The following CYP7B1 variants were observed in gnomAD, a reference collection of about 807,000 sequenced individuals.
The protein encoded by CYP7B1 is cytochrome P450 family 7 subfamily B member 1.
CYP7B1 carries 29 observed loss-of-function variants against 42.7 expected under a neutral mutation model. That is an observed-to-expected ratio of 0.68 (90% confidence interval 0.51 to 0.93). The LOEUF (loss-of-function observed/expected upper bound fraction) is 0.93. Among genes scored for constraint, CYP7B1 ranks in the 40% least tolerant of loss-of-function variants. CYP7B1 has a pLI of 0.00. For synonymous variants in CYP7B1, 235 were observed against 218.2 expected, an observed-to-expected ratio of 1.08 and a Z score of -0.68; for missense variants, 655 against 600.5, an observed-to-expected ratio of 1.09 and a Z score of -0.95.
At chr8:64,673,247 T>C (rs925384423) in intron 1 of CYP7B1, among the ~76,000 whole-genome samples, 26 of 152,154 alleles carry the variant, frequency 1.7e-4, no homozygotes, top group African/African-American at 6.0e-4. Context: ...TATACTCCGT[T>C]TTTTTCTAAT....
intron 1 of CYP7B1, among the ~76,000 whole-genome samples, chr8:64,780,912 G>GA (rs1360829692): frequency 2.0e-5 from 3 of 152,032 alleles, no homozygotes; most frequent in Admixed American, 6.6e-5. Context: ...GTTTGGGCAA[G>GA]AAAAAATCTC....
chr8:64,735,527 C>T (rs1807474347), intron 1 of CYP7B1, among the ~76,000 whole-genome samples: 2 of 152,128 alleles, frequency 1.3e-5, no homozygotes, highest in African/African-American at 4.8e-5. Flanking sequence ...CAAAATGTTT[C>T]TTTGTTTCAG....
intron 1 of CYP7B1, among the ~76,000 whole-genome samples, chr8:64,717,162 A>G (rs978738484): frequency 7.0e-6 from 1 of 142,362 alleles, no homozygotes; most frequent in Non-Finnish European, 1.5e-5. Flanking sequence ...TAATGTTTAC[A>G]TGGTACATCT....
rs1405533959 is a variant in CYP7B1 at position 64,592,632 on chromosome 8, C to T, written c.*4010G>A. Among the ~76,000 whole-genome samples the T allele has an allele frequency of 6.6e-6, 1 of 152,134 alleles. No individual in the cohort carries two copies. Among genetic ancestry groups the T allele is most frequent in the Non-Finnish European group, 1.5e-5 (1 of 68,014 alleles). ...AAAAACGATTCCCTTGAACAATACA[C>T]AAGAGCAATTTTTTAAAGGCACAAC... On this transcript the variant is annotated 3_prime_UTR_variant, in exon 6 of 6. Transcript: ENST00000310193.
chr8:64,701,484 T>C (rs771138004), intron 1 of CYP7B1, among the ~76,000 whole-genome samples: 2 of 152,116 alleles, frequency 1.3e-5, no homozygotes, highest in African/African-American at 2.4e-5. Flanking sequence ...ACTTTTGCAC[T>C]GACAGAGAAC....
chr8:64,728,057 C>G (rs1807349147), intron 1 of CYP7B1: 1 of 152,160 alleles, frequency 6.6e-6, no homozygotes, highest in Non-Finnish European at 1.5e-5. Flanking sequence ...GCATGCAGTA[C>G]CTGCTGTGGT....
chr8:64,663,473 T>C (rs573394999), intron 1 of CYP7B1, among the ~76,000 whole-genome samples: 1 of 152,326 alleles, frequency 6.6e-6, no homozygotes, highest in East Asian at 1.9e-4. Context: ...ATGACACAGC[T>C]CCTGAAATAT....
At chr8:64,648,666 T>C (rs1328805172) in intron 1 of CYP7B1, among the ~76,000 whole-genome samples, 1 of 152,238 alleles carries the variant, frequency 6.6e-6, no homozygotes, top group East Asian at 1.9e-4. Context: ...ACTGGCAACT[T>C]TGTAATAATT....
At chr8:64,623,628 TG>T (rs1463021366) in intron 2 of CYP7B1, among the ~76,000 whole-genome samples, 5 of 152,228 alleles carry the variant, frequency 3.3e-5, no homozygotes, top group Admixed American at 3.3e-4. Context: ...CTAGAATGTT[TG>T]GGGTGTGTAG....
intron 1 of CYP7B1, among the ~76,000 whole-genome samples, chr8:64,637,398 C>T (rs1181063158): frequency 6.6e-6 from 1 of 152,190 alleles, no homozygotes; most frequent in African/African-American, 2.4e-5. Context: ...ACACAGCACA[C>T]GGTGCTGAGA....
intron 1 of CYP7B1, among the ~76,000 whole-genome samples, chr8:64,712,827 C>A (rs1253512688): frequency 6.6e-6 from 1 of 151,282 alleles, no homozygotes; most frequent in Non-Finnish European, 1.5e-5. Context: ...AATTAATTTT[C>A]TTAAAACACT....
chr8:64,605,103 C>T (rs1031209317), intron 4 of CYP7B1, among the ~76,000 whole-genome samples: 2 of 152,092 alleles, frequency 1.3e-5, no homozygotes, highest in Admixed American at 6.6e-5. Context: ...TGTACCTGGG[C>T]AGAAAGTCAT....
At chr8:64,668,495 C>T (rs890889557) in intron 1 of CYP7B1, among the ~76,000 whole-genome samples, 1 of 151,938 alleles carries the variant, frequency 6.6e-6, no homozygotes, top group Non-Finnish European at 1.5e-5. Context: ...AGCTTCCCAA[C>T]TGTCTTTGGG....
chr8:64,615,741 C>A lies in CYP7B1; in HGVS notation c.800G>T (p.Arg267Met). 2 of 1,613,678 alleles carry A rather than the reference C, an allele frequency of 1.2e-6. No individual in the cohort carries two copies. The highest frequency in any genetic ancestry group is 3.3e-4 in the Middle Eastern group (2 of 6,058). Reference sequence around the variant, plus strand: ...ATAATATTTCTCCAGGACATCTTGCCTGCTTTGAAAAACTTCTGACCATCC... The same window carrying A: ...ATAATATTTCTCCAGGACATCTTGCATGCTTTGAAAAACTTCTGACCATCC... The part of the protein sequence containing the change: ...MQGWSEVFQS[R>M]QDVLEKYYVH... The change falls in exon 3 of 6, where the codon AGG becomes ATG. Residue 267 changes from arginine to methionine, a missense_variant. Transcript: ENST00000310193.
intron 1 of CYP7B1, among the ~76,000 whole-genome samples, chr8:64,741,324 A>T (rs1807563830): frequency 6.6e-6 from 1 of 152,116 alleles, no homozygotes; most frequent in South Asian, 2.1e-4. Flanking sequence ...CAGAGATTTG[A>T]ACATTTTTTT....
chr8:64,677,713 T>TG (rs1806471441), intron 1 of CYP7B1, among the ~76,000 whole-genome samples: 1 of 148,136 alleles, frequency 6.8e-6, no homozygotes, highest in South Asian at 2.1e-4. Context: ...TTGGTTTTTT[T>TG]TTTTTTTTTT....
chr8:64,635,872 A>G (rs1225206814), intron 1 of CYP7B1, among the ~76,000 whole-genome samples: 2 of 152,196 alleles, frequency 1.3e-5, no homozygotes, highest in Non-Finnish European at 2.9e-5. Flanking sequence ...ACTCGATTCT[A>G]TTAGCAGAAT....
intron 1 of CYP7B1, among the ~76,000 whole-genome samples, chr8:64,704,473 G>T (rs1370875945): frequency 6.6e-6 from 1 of 152,024 alleles, no homozygotes; most frequent in East Asian, 1.9e-4. Flanking sequence ...TTGCATGCAG[G>T]TTTAAAAATA....
chr8:64,655,863 A>G (rs1003961677), intron 1 of CYP7B1, among the ~76,000 whole-genome samples: 1 of 152,240 alleles, frequency 6.6e-6, no homozygotes, highest in Non-Finnish European at 1.5e-5. Context: ...TTGCAGGGAC[A>G]TGGGTAGAGC....
Sources: allele counts gnomAD v4.1 joint callset (sites outside exome capture counted in the v4.1 genomes callset), GRCh38; gene constraint gnomAD v4.1.1; transcripts MANE v1.5; gene names NCBI Gene and HGNC (gene_info 2026-07-23, HGNC 2026-07-21).